GLIS3: variants seen among roughly 807,000 people sequenced by gnomAD.
GLIS3 encodes zinc finger protein GLIS3.
GLIS3 carries 53 observed loss-of-function variants against 78.6 expected under a neutral mutation model. The ratio of observed to expected loss-of-function variants is 0.67; its 90% CI spans 0.54 to 0.85. The LOEUF (loss-of-function observed/expected upper bound fraction) is 0.85, where lower values mean the gene tolerates loss of function less well. Among genes scored for constraint, GLIS3 ranks in the 40% least tolerant of loss-of-function variants. GLIS3 has a pLI of 0.00. For missense variants in GLIS3, 1,703 were observed against 1,231.1 expected, an observed-to-expected ratio of 1.38 and a Z score of -5.74; for synonymous variants, 684 against 509.9, an observed-to-expected ratio of 1.34 and a Z score of -4.60.
At chr9:3,935,112 G>A (rs1825818516) in intron 5 of GLIS3, among the ~76,000 whole-genome samples, 1 of 152,118 alleles carries the variant, frequency 6.6e-6, no homozygotes, top group African/African-American at 2.4e-5. Flanking sequence ...CCAAAATTCT[G>A]ACAGTATTAT....
At chr9:4,129,976 T>C (rs979660293) in intron 2 of GLIS3, among the ~76,000 whole-genome samples, 4 of 152,130 alleles carry the variant, frequency 2.6e-5, no homozygotes, top group Admixed American at 2.6e-4. Flanking sequence ...GAGGAACTTG[T>C]TGGGAACTGG....
chr9:4,129,317 T>G (rs760387774), intron 2 of GLIS3, among the ~76,000 whole-genome samples: 22 of 152,206 alleles, frequency 1.4e-4, no homozygotes, highest in Admixed American at 5.2e-4. Context: ...TCTTCTCATC[T>G]GCCAAACAGG....
chr9:4,061,908 C>T (rs540749839), intron 4 of GLIS3, among the ~76,000 whole-genome samples: 1 of 152,304 alleles, frequency 6.6e-6, no homozygotes, highest in East Asian at 1.9e-4. Context: ...CCTGAGACAG[C>T]TTCCTCTGCC....
chr9:4,205,086 G>A (rs1819746488), intron 2 of GLIS3, among the ~76,000 whole-genome samples: 1 of 147,992 alleles, frequency 6.8e-6, no homozygotes, highest in South Asian at 2.1e-4. Flanking sequence ...TGAGGCAGGA[G>A]AATTACTTGA....
intron 9 of GLIS3, among the ~76,000 whole-genome samples, chr9:3,838,322 A>G (rs541150850): frequency 3.9e-5 from 6 of 152,244 alleles, no homozygotes; most frequent in Non-Finnish European, 5.9e-5. Flanking sequence ...TCTTATTTCC[A>G]TACACCCCAG....
the GLIS3 span, among the ~76,000 whole-genome samples, chr9:4,441,485 T>C: frequency 6.6e-6 from 1 of 152,254 alleles, no homozygotes. Context: ...AGTGGATTCA[T>C]CTTGATCTCA....
the GLIS3 span, among the ~76,000 whole-genome samples, chr9:4,411,113 C>T: frequency 1.3e-5 from 2 of 152,102 alleles, no homozygotes; most frequent in Admixed American, 1.3e-4. Context: ...ACAGATGAAG[C>T]CATATTGTCA....
intron 2 of GLIS3, among the ~76,000 whole-genome samples, chr9:4,190,544 G>A (rs201322407): frequency 3.5e-5 from 3 of 86,928 alleles, no homozygotes; most frequent in Middle Eastern, 6.0e-3. Context: ...AAAAGACCAA[G>A]TCTACGTCTG....
chr9:3,958,340 A>G (rs1041659004), intron 4 of GLIS3, among the ~76,000 whole-genome samples: 1 of 152,208 alleles, frequency 6.6e-6, no homozygotes, highest in East Asian at 1.9e-4. Context: ...CGCTTACATA[A>G]AAGTTTCCTA....
At chr9:4,015,282 G>C (rs1206103370) in intron 4 of GLIS3, among the ~76,000 whole-genome samples, 1 of 152,172 alleles carries the variant, frequency 6.6e-6, no homozygotes, top group Admixed American at 6.5e-5. Flanking sequence ...CCCAGGTAAA[G>C]AGTCTAACCT....
chr9:4,295,552 AT>A (rs891850594), intron 1 of GLIS3, among the ~76,000 whole-genome samples: 54 of 152,154 alleles, frequency 3.5e-4, no homozygotes, highest in African/African-American at 1.3e-3. Context: ...TTTACACAAG[AT>A]TTTTTTTAAA....
At chr9:4,060,918 C>T (rs562127185) in intron 4 of GLIS3, among the ~76,000 whole-genome samples, 2 of 152,332 alleles carry the variant, frequency 1.3e-5, no homozygotes, top group African/African-American at 2.4e-5. Context: ...TGTGCCACCA[C>T]TCCCACTTTG....
chr9:4,154,406 A>T (rs1564126234), intron 2 of GLIS3, among the ~76,000 whole-genome samples: 1 of 152,250 alleles, frequency 6.6e-6, no homozygotes, highest in Non-Finnish European at 1.5e-5. Context: ...ATAAAATGTA[A>T]AACAACTAAA....
chr9:4,396,593 G>C, the GLIS3 span, among the ~76,000 whole-genome samples: 1 of 152,158 alleles, frequency 6.6e-6, no homozygotes. Flanking sequence ...GATTATCGAA[G>C]ACAGACTTCT....
chr9:3,830,584 A>G (rs773416795), intron 9 of GLIS3, among the ~76,000 whole-genome samples: 1 of 152,208 alleles, frequency 6.6e-6, no homozygotes, highest in Non-Finnish European at 1.5e-5. Context: ...GTTATTATTG[A>G]TATCACTATT....
At chr9:4,164,648 G>T (rs879718432) in intron 2 of GLIS3, among the ~76,000 whole-genome samples, 3 of 152,178 alleles carry the variant, frequency 2.0e-5, no homozygotes, top group African/African-American at 4.8e-5. Flanking sequence ...CCAAAGGAAA[G>T]GCTGCTTAGA....
chr9:4,110,057 C>T (rs1831087738), intron 4 of GLIS3, among the ~76,000 whole-genome samples: 1 of 152,150 alleles, frequency 6.6e-6, no homozygotes, highest in Non-Finnish European at 1.5e-5. Flanking sequence ...TTGTGAGCTC[C>T]CAAAGGGAAT....
chr9:3,891,147 T>A (rs1165052417), intron 7 of GLIS3, among the ~76,000 whole-genome samples: 1 of 151,448 alleles, frequency 6.6e-6, no homozygotes, highest in Admixed American at 6.6e-5. Flanking sequence ...ATCTGTGGCA[T>A]CTGTTCTCTA....
At chr9:4,379,796 T>G in the GLIS3 span, among the ~76,000 whole-genome samples, 1 of 152,194 alleles carries the variant, frequency 6.6e-6, no homozygotes. Flanking sequence ...AGAAAGGAGC[T>G]CACTTTGCTT....
Sources: gnomAD v4.1 joint callset for allele counts (sites outside exome capture counted in the v4.1 genomes callset) on GRCh38, gnomAD v4.1.1 for gene constraint, MANE v1.5 for transcripts, NCBI Gene and HGNC (gene_info 2026-07-23, HGNC 2026-07-21) for gene names.